SPG11: variants seen among roughly 807,000 people sequenced by gnomAD.
SPG11 encodes the protein SPG11 vesicle trafficking associated, spatacsin.
Under a neutral mutation model 274.0 loss-of-function variants are expected in SPG11, and 222 were observed. That is an observed-to-expected ratio of 0.81 (90% CI 0.73 to 0.91). The LOEUF (loss-of-function observed/expected upper bound fraction) is 0.91. SPG11 is among the 40% of genes least tolerant of loss of function. The pLI is 0.00. For synonymous variants in SPG11, 1,144 were observed against 1,039.7 expected (o/e 1.10, Z -1.93); for missense variants, 3,114 against 2,872.7 (o/e 1.08, Z -1.92).
At position 44,660,495 on chromosome 15, in the gene SPG11, C is replaced by T; in HGVS notation, c.379G>A (p.Ala127Thr). 4.3e-6 allele frequency: 7 copies of T among 1,614,068 alleles called. No individual in the cohort carries two copies. Among genetic ancestry groups the T allele is most frequent in the South Asian group, 2.2e-5 (2 of 91,080 alleles). ...EFNLKDGRCDATILYSCSREA... is the reference protein window; with the variant it reads ...EFNLKDGRCDTTILYSCSREA... ...CTACTACAGCTATACAAAATGGTTGCATCACATCTTCCATCTTTCAAATTA... is the reference window on the plus strand; with the variant it reads ...CTACTACAGCTATACAAAATGGTTGTATCACATCTTCCATCTTTCAAATTA... Residue 127 changes from alanine (A) to threonine (T), a missense_variant, in exon 2 of 40, where the codon GCA becomes ACA. By Grantham distance (58) the Ala-to-Thr change is moderately conservative. Transcript: ENST00000261866.
intron 18 of SPG11, 130 bp downstream of exon 18, chr15:44,610,710 T>C: frequency 1.0e-6 from 1 of 998,360 alleles, no homozygotes; most frequent in East Asian, 2.6e-5. Context: ...AGCCTTATCC[T>C]CTGCTCTTTA....
intron 26 of SPG11, among the ~76,000 whole-genome samples, 162 bp downstream of exon 26, chr15:44,595,097 G>A (rs1317552443): frequency 3.3e-5 from 5 of 152,202 alleles, no homozygotes; most frequent in Non-Finnish European, 7.3e-5. Context: ...GATTACAGGC[G>A]TGAGCCACTG....
intron 16 of SPG11, among the ~76,000 whole-genome samples, 168 bp from the exon 17 acceptor site, chr15:44,613,704 T>C (rs1010974040): frequency 2.6e-5 from 4 of 152,246 alleles, no homozygotes; most frequent in African/African-American, 9.6e-5. Context: ...ATATTCTTCA[T>C]GATCTGGAAA....
intron 15 of SPG11, among the ~76,000 whole-genome samples, chr15:44,618,782 T>C (rs1371986949): frequency 6.6e-6 from 1 of 151,126 alleles, no homozygotes; most frequent in Non-Finnish European, 1.5e-5. Flanking sequence ...ATCACGTCCC[T>C]GCACTCCAGC....
At chr15:44,584,721 C>T (rs946288020) in intron 29 of SPG11, among the ~76,000 whole-genome samples, 163 bp from the exon 30 acceptor site, 9 of 152,160 alleles carry the variant, frequency 5.9e-5, no homozygotes, top group African/African-American at 2.2e-4. Context: ...CCTCAACCTG[C>T]TGGACCCAAG....
chr15:44,630,019 C>G, intron 8 of SPG11, among the ~76,000 whole-genome samples: 1 of 151,550 alleles, frequency 6.6e-6, no homozygotes, highest in Non-Finnish European at 1.5e-5. Context: ...TGCAGTGAGC[C>G]AAGATTGTGC....
At chr15:44,568,137 A>C (rs1318817451) in intron 35 of SPG11, among the ~76,000 whole-genome samples, 7 of 152,222 alleles carry the variant, frequency 4.6e-5, no homozygotes, top group Non-Finnish European at 8.8e-5. Context: ...TGTGCAAAGA[A>C]GGCCTATACC....
intron 33 of SPG11, among the ~76,000 whole-genome samples, chr15:44,571,944 A>C (rs947669700): frequency 1.3e-5 from 2 of 152,190 alleles, no homozygotes; most frequent in African/African-American, 4.8e-5. Context: ...GGTGTGCACC[A>C]CCATGCCCCG....
At chr15:44,655,169 G>A (rs1595932773) in intron 4 of SPG11, among the ~76,000 whole-genome samples, 2 of 152,128 alleles carry the variant, frequency 1.3e-5, no homozygotes, top group South Asian at 4.1e-4. Context: ...TGACGTGAAC[G>A]TATAGTCCCA....
chr15:44,638,200 G>A (rs1165399337), intron 7 of SPG11, among the ~76,000 whole-genome samples: 2 of 152,158 alleles, frequency 1.3e-5, no homozygotes, highest in South Asian at 2.1e-4. Context: ...GGTGGCTCAC[G>A]CCTGTAATCC....
At position 44,573,722 on chromosome 15, in the gene SPG11, A is replaced by G; in HGVS notation, c.6030T>C (p.Asp2010=). The G allele has an allele frequency of 6.2e-7, 1 of 1,614,224 alleles. No individual in the cohort carries two copies. Among genetic ancestry groups the G allele is most frequent in the South Asian group, 1.1e-5 (1 of 91,086 alleles). ...LAKELGCSYT[D]VAAQDGEAML... ...TGGCTTCACCATCCTGAGCAGCAAC[A>G]TCTGTGTAGGAACAGCCCAACTCCT... Residue 2010 remains aspartate, a synonymous_variant, in exon 32 of 40, where the codon GAT becomes GAC. Transcript: ENST00000261866.
At chr15:44,640,372 C>T (rs1312249436) in intron 7 of SPG11, among the ~76,000 whole-genome samples, 1 of 151,892 alleles carries the variant, frequency 6.6e-6, no homozygotes, top group African/African-American at 2.4e-5. Context: ...AGACCTGCCC[C>T]GCCCCCCAAA....
chr15:44,581,717 G>A (rs1158113690), intron 30 of SPG11, among the ~76,000 whole-genome samples: 2 of 151,806 alleles, frequency 1.3e-5, no homozygotes, highest in East Asian at 3.9e-4. Context: ...ATTGTTTAAT[G>A]AGGTTTTCAA....
intron 10 of SPG11, among the ~76,000 whole-genome samples, chr15:44,626,726 A>AT (rs1035116562): frequency 6.6e-6 from 1 of 152,144 alleles, no homozygotes; most frequent in Non-Finnish European, 1.5e-5. Context: ...GTACTGTATG[A>AT]TAAGGGCTGT....
rs753327373 is a variant in SPG11 at position 44,595,253 on chromosome 15, C to T, written c.4635+6G>A. 2 of 1,613,754 alleles carry T rather than the reference C, an allele frequency of 1.2e-6. No homozygotes were observed. The highest frequency in any genetic ancestry group is 1.7e-6 in the Non-Finnish European group (2 of 1,179,654). On this transcript the variant is annotated splice_donor_region_variant and intron_variant, in intron 26 of 39. Transcript: ENST00000261866. ...CTCTGGAAAGAAGTGAAGCAACTAT[C>T]ACTACCTTAAAGAAAAGCTGGAAAC...
intron 23 of SPG11, among the ~76,000 whole-genome samples, chr15:44,597,332 G>C (rs540118091): frequency 6.6e-6 from 1 of 152,122 alleles, no homozygotes; most frequent in Admixed American, 6.6e-5. Context: ...GGCTGGTCTT[G>C]AACTCCCAAC....
rs147761574 is a variant in SPG11, at chr15:44,621,691, A to C, written c.2620+68T>G. 8.9e-5 allele frequency: 129 copies of C among 1,449,716 alleles called. 1 individual carries two copies. The African/African-American group carries it at 1.5e-3, about 17-fold the overall frequency. 89.8% of individuals were successfully genotyped at this position (1,449,716 alleles called of 1,614,324 possible). On this transcript the variant is annotated intron_variant, in intron 14 of 39. Transcript: ENST00000261866. Reference sequence around the variant, plus strand: ...TTCTAAAATTGAGACACATCAAAATATTCAAATATCAATACCCAATTTAAT... The same window carrying C: ...TTCTAAAATTGAGACACATCAAAATCTTCAAATATCAATACCCAATTTAAT...
chr15:44,646,030 T>G (rs184921844), intron 7 of SPG11, among the ~76,000 whole-genome samples: 9 of 152,290 alleles, frequency 5.9e-5, no homozygotes, highest in African/African-American at 1.9e-4. Flanking sequence ...ACAGTGCTGG[T>G]GGGAATGTAA....
intron 27 of SPG11, 128 bp downstream of exon 27, chr15:44,592,203 G>A (rs1441243902): frequency 1.4e-6 from 1 of 695,960 alleles, no homozygotes; most frequent in Non-Finnish European, 2.6e-6. Context: ...AGGCTGTAGT[G>A]AGCTGTGATC....
Sources: gnomAD v4.1 joint callset for allele counts (sites outside exome capture counted in the v4.1 genomes callset) on GRCh38, gnomAD v4.1.1 for gene constraint, MANE v1.5 for transcripts, NCBI Gene and HGNC (gene_info 2026-07-23, HGNC 2026-07-21) for gene names.